CFH: variants seen among roughly 807,000 people sequenced by gnomAD.
The protein encoded by CFH is complement factor H, also known as H factor 1 (complement).
CFH carries 53 observed loss-of-function variants against 147.3 expected under a neutral mutation model. The ratio of observed to expected loss-of-function variants is 0.36; its 90% CI spans 0.29 to 0.45. The LOEUF (loss-of-function observed/expected upper bound fraction) is 0.45. Ranked by LOEUF, CFH falls within the 20% of genes least tolerant of loss-of-function variation. The pLI is 1.00. For synonymous variants in CFH, 536 were observed against 489.4 expected, an observed-to-expected ratio of 1.10 and a Z score of -1.26; for missense variants, 1,380 against 1,498.0, an observed-to-expected ratio of 0.92 and a Z score of 1.30.
At chr1:196,673,370 C>T in intron 2 of CFH, 1 of 560,930 alleles carries the variant, frequency 1.8e-6, no homozygotes, top group Middle Eastern at 4.8e-4. Context: ...TGGAGTCTCC[C>T]TCTATCGCCT....
chr1:196,741,946 G>A lies in CFH; in HGVS notation c.3028G>A (p.Ala1010Thr), dbSNP rs11539862. 7.1e-5 allele frequency: 114 copies of A among 1,614,044 alleles called. No homozygotes were observed. The highest frequency in any genetic ancestry group is 9.4e-5 in the Non-Finnish European group (111 of 1,179,994). ...PMGEKKDVYK[A>T]GEQVTYTCAT... is the part of the protein sequence containing the mutation. ...GGGAGAGAAGAAGGATGTGTATAAG[G>A]CGGGTGAGCAAGTGACTTACACTTG... Residue 1010 changes from alanine to threonine, a missense_variant, in exon 19 of 22, where the codon GCG (alanine) becomes ACG (threonine). By Grantham distance (58) the Ala-to-Thr change is moderately conservative. Around this residue, in one of 4 missense-constraint regions of CFH, gnomAD observed 830 missense variants for 821.4 expected, o/e 1.01. Coordinates refer to ENST00000367429, the MANE Select transcript of CFH (RefSeq NM_000186.4).
chr1:196,690,101 C>G lies in CFH; in HGVS notation c.1198C>G (p.Gln400Glu). The stretch of plus-strand genomic sequence containing the variant: ...TCCTTATTTGGAAAATGGATATAAT[C>G]AAAATCATGGAAGAAAGTTTGTACA... The part of the protein sequence containing the change: ...YFPYLENGYN[Q>E]NHGRKFVQGK... Residue 400 changes from glutamine (Q) to glutamate (E), a missense_variant, in exon 9 of 22, where the codon CAA (glutamine) becomes GAA (glutamate). Physicochemically the swap from Gln to Glu is conservative, Grantham distance 29 (BLOSUM62 2). This residue lies in a region of CFH where 830 missense variants were observed against 821.4 expected (regional missense o/e 1.01). Coordinates refer to ENST00000367429, the MANE Select transcript of CFH (RefSeq NM_000186.4). The G allele has an allele frequency of 6.2e-7, 1 of 1,611,564 alleles. No homozygotes were observed. Among genetic ancestry groups the G allele is most frequent in the Non-Finnish European group, 8.5e-7 (1 of 1,178,306 alleles).
At chr1:196,662,836 A>C (rs1487753231) in intron 1 of CFH, among the ~76,000 whole-genome samples, 1 of 151,986 alleles carries the variant, frequency 6.6e-6, no homozygotes, top group Non-Finnish European at 1.5e-5. Flanking sequence ...AGCTAAAATC[A>C]CACCACTGCA....
In CFH at chr1:196,747,395, C is replaced by T. The variant is rs1653054342; in HGVS notation, c.*82C>T. ...ATTTCATTTTTTATGTATTGTTTTA[C>T]TCCTTTTTATTCATACGTAAAATTT... On this transcript the variant is annotated 3_prime_UTR_variant, in exon 22 of 22. Coordinates refer to ENST00000367429, the MANE Select transcript of CFH (RefSeq NM_000186.4). The T allele has an allele frequency of 6.4e-7, 1 of 1,560,434 alleles. No individual in the cohort carries two copies. Among genetic ancestry groups the T allele is most frequent in the Non-Finnish European group, 8.8e-7 (1 of 1,138,124 alleles).
At chr1:196,729,862 T>A (rs1197197385) in intron 15 of CFH, among the ~76,000 whole-genome samples, 6 of 151,926 alleles carry the variant, frequency 3.9e-5, no homozygotes, top group African/African-American at 1.2e-4. Flanking sequence ...GGTTATCCAA[T>A]TTGTTGGCAT....
At position 196,747,451 on chromosome 1, in the gene CFH, C is replaced by T. The variant is rs566608873; in HGVS notation, c.*138C>T. 1.0e-6 allele frequency: 1 copy of T among 956,290 alleles called. No individual in the cohort carries two copies. The highest frequency in any genetic ancestry group is 2.6e-5 in the East Asian group (1 of 38,116). 59.2% of individuals were successfully genotyped at this position (956,290 alleles called of 1,614,324 possible). Reference sequence around the variant, plus strand: ...TAATTTGTGAAAATGTAATTATAAGCTGAGACCGGTGGCTCTCTTCTTAAA... The same window carrying T: ...TAATTTGTGAAAATGTAATTATAAGTTGAGACCGGTGGCTCTCTTCTTAAA... On this transcript the variant is annotated 3_prime_UTR_variant, in exon 22 of 22. Transcript: ENST00000367429.
intron 11 of CFH, among the ~76,000 whole-genome samples, chr1:196,720,171 C>T (rs1321030276): frequency 6.6e-6 from 1 of 151,876 alleles, no homozygotes; most frequent in Non-Finnish European, 1.5e-5. Flanking sequence ...TCTGCAATGA[C>T]AGATATTATA....
Position 196,715,733 on chromosome 1 carries a change from G to A in CFH, c.1660G>A (p.Gly554Ser). 1 of 1,612,626 alleles carries A rather than the reference G, an allele frequency of 6.2e-7. No homozygotes were observed. The highest frequency in any genetic ancestry group is 1.7e-4 in the Middle Eastern group (1 of 6,050). The change falls in exon 11 of 22, where the codon GGT becomes AGT. Residue 554 changes from glycine to serine, a missense_variant. Physicochemically the swap from Gly to Ser is moderately conservative, Grantham distance 56 (BLOSUM62 0). Coordinates refer to ENST00000367429, the MANE Select transcript of CFH (RefSeq NM_000186.4). ...TGSTTGSIVC[G>S]YNGWSDLPIC... ...AAGCACCACTGGTTCCATAGTGTGTGGTTACAATGGTTGGTCTGATTTACC... is the reference window on the plus strand; with the variant it reads ...AAGCACCACTGGTTCCATAGTGTGTAGTTACAATGGTTGGTCTGATTTACC...
intron 9 of CFH, among the ~76,000 whole-genome samples, chr1:196,711,699 C>A (rs1037155945): frequency 6.6e-6 from 1 of 152,022 alleles, no homozygotes; most frequent in Admixed American, 6.6e-5. Context: ...GTCTCTACTA[C>A]GTGACCTAGA....
intron 9 of CFH, among the ~76,000 whole-genome samples, chr1:196,699,069 T>C (rs1454506909): frequency 6.6e-6 from 1 of 152,188 alleles, no homozygotes; most frequent in African/African-American, 2.4e-5. Flanking sequence ...TTATAAGAGC[T>C]ATTTTTTAAA....
chr1:196,735,337 A>G (rs974992038), intron 15 of CFH, among the ~76,000 whole-genome samples: 1 of 152,130 alleles, frequency 6.6e-6, no homozygotes, highest in African/African-American at 2.4e-5. Context: ...TCAGTTTTTT[A>G]ATTGCTCAGC....
At chr1:196,679,543 T>G in intron 5 of CFH, 80 bp from the exon 6 acceptor site, 1 of 1,101,020 alleles carries the variant, frequency 9.1e-7, no homozygotes, top group Non-Finnish European at 1.4e-6. Flanking sequence ...AAACAACATT[T>G]CTGTTTTCAT....
intron 10 of CFH, among the ~76,000 whole-genome samples, chr1:196,714,236 A>T (rs203677): frequency 0.66 from 99,416 of 151,674 alleles, 33,338 homozygotes; most frequent in East Asian, 0.95. Context: ...CTGTTTTATA[A>T]GATTAGACTT....
chr1:196,714,698 GA>G lies in CFH; in HGVS notation c.1519+782del, dbSNP rs1341607637. On this transcript the variant is annotated intron_variant, in intron 10 of 21. Coordinates refer to ENST00000367429, the MANE Select transcript of CFH (RefSeq NM_000186.4). ...AGAGAGAGAGAGAGAGAGAGAGAGAGAGAGAGAGAGAGAGAGAGAGATGGAG... is the reference window on the plus strand; with the variant it reads ...AGAGAGAGAGAGAGAGAGAGAGAGAGGAGAGAGAGAGAGAGAGAGATGGAG... Among the ~76,000 whole-genome samples the G allele has an allele frequency of 3.9e-4, 47 of 120,914 alleles. 4 individuals carry two copies. The highest frequency in any genetic ancestry group is 6.4e-4 in the African/African-American group (20 of 31,164). The allele number at this position is 120,914 out of a possible 152,430, so 79.3% of individuals were successfully genotyped here. A position where few individuals can be genotyped will look rare whatever the true frequency, so the allele number is the denominator to read the frequency against.
chr1:196,677,735 C>A, intron 5 of CFH, 68 bp downstream of exon 5: 1 of 1,405,540 alleles, frequency 7.1e-7, no homozygotes, highest in Non-Finnish European at 1.0e-6. Context: ...AAACATCGTT[C>A]ATTCTAAGGA....
chr1:196,660,762 T>C (rs138508443), intron 1 of CFH, among the ~76,000 whole-genome samples: 9 of 152,316 alleles, frequency 5.9e-5, no homozygotes, highest in East Asian at 5.8e-4. Flanking sequence ...GTAAATATTG[T>C]GAGAAGTTGG....
intron 4 of CFH, among the ~76,000 whole-genome samples, chr1:196,676,465 A>T (rs1667458820): frequency 6.6e-6 from 1 of 152,068 alleles, no homozygotes; most frequent in Non-Finnish European, 1.5e-5. Context: ...GGAGAACGTG[A>T]TTGAGACCTC....
chr1:196,737,811 C>A, intron 17 of CFH, 151 bp downstream of exon 17: 2 of 583,408 alleles, frequency 3.4e-6, no homozygotes, highest in South Asian at 5.2e-5. Flanking sequence ...ATGATTGAAT[C>A]TATTCTATTT....
intron 1 of CFH, among the ~76,000 whole-genome samples, chr1:196,661,376 TACA>T (rs1034105711): frequency 1.3e-5 from 2 of 152,220 alleles, no homozygotes; most frequent in African/African-American, 2.4e-5. Flanking sequence ...TTTGGGCTGC[TACA>T]ACAAAATATT....
Sources: allele counts gnomAD v4.1 joint callset (sites outside exome capture counted in the v4.1 genomes callset), GRCh38; gene constraint gnomAD v4.1.1; regional missense constraint gnomAD v4.1.1; transcripts MANE v1.5; gene names NCBI Gene and HGNC (gene_info 2026-07-23, HGNC 2026-07-21).